The following TLR6 variants were observed in gnomAD, a reference collection of about 807,000 sequenced individuals.
TLR6 encodes toll like receptor 6, also known as toll-like receptor 6.
Under a neutral mutation model 16.1 loss-of-function variants are expected in TLR6, and 9 were observed. The observed-to-expected ratio is 0.56, with a 90% confidence interval of 0.34 to 0.98. TLR6 has a LOEUF of 0.98. Among genes scored for constraint, TLR6 ranks in the 50% least tolerant of loss-of-function variants. The pLI is 0.02. For missense variants in TLR6, 786 were observed against 921.0 expected (o/e 0.85, Z 1.90); for synonymous variants, 340 against 338.6 (o/e 1.00, Z -0.04).
At chr4:38,859,651 A>C (rs983981350), upstream of TLR6, among the ~76,000 whole-genome samples, 1 of 140,942 alleles carries the variant, frequency 7.1e-6, no homozygotes, top group Non-Finnish European at 1.5e-5. Context: ...TGCAGCCTTG[A>C]CTTTCCCCAC....
At chr4:38,854,402 G>A (rs1298462349) in intron 1 of TLR6, among the ~76,000 whole-genome samples, 2 of 152,186 alleles carry the variant, frequency 1.3e-5, no homozygotes, top group African/African-American at 4.8e-5. Context: ...TTTAGAGATA[G>A]AGAATAAAGC....
At chr4:38,828,642 C>A in exon 2 of TLR6, 1 of 1,614,080 alleles carries the variant, frequency 6.2e-7, no homozygotes, top group Non-Finnish European at 8.5e-7. Context: ...AGATATTCCA[C>A]AGGTTTGGGC....
exon 2 of TLR6, chr4:38,826,622 T>C (rs1350085830): frequency 6.5e-6 from 1 of 154,476 alleles, no homozygotes; most frequent in Non-Finnish European, 1.4e-5. Context: ...GACTTTTTTA[T>C]ATGCCGTAGC....
At chr4:38,824,076 C>T (rs1384223986) in exon 2 of TLR6, 1 of 126,136 alleles carries the variant, frequency 7.9e-6, no homozygotes, top group Non-Finnish European at 1.6e-5. Context: ...GAACTGTAGC[C>T]CCGCCGCCCC....
chr4:38,845,564 A>T (rs1204364210), intron 1 of TLR6, among the ~76,000 whole-genome samples: 2 of 152,178 alleles, frequency 1.3e-5, no homozygotes, highest in African/African-American at 4.8e-5. Flanking sequence ...GGCCCTGAAG[A>T]TAAAGGAAGG....
chr4:38,828,859 T>A, exon 2 of TLR6: 1 of 1,613,990 alleles, frequency 6.2e-7, no homozygotes, highest in Non-Finnish European at 8.5e-7. Flanking sequence ...ATAAACTAGT[T>A]GGGTGAAAAA....
intron 1 of TLR6, among the ~76,000 whole-genome samples, chr4:38,839,830 C>A (rs1369358177): frequency 6.6e-6 from 1 of 152,154 alleles, no homozygotes; most frequent in East Asian, 1.9e-4. Flanking sequence ...CTGAGTGTGG[C>A]CTATTGGGGC....
exon 2 of TLR6, chr4:38,827,210 A>T (rs1372158885): frequency 4.3e-6 from 7 of 1,614,088 alleles, no homozygotes; most frequent in Admixed American, 1.7e-5. Context: ...CCGCTGCGTC[A>T]TGAGAGCCTT....
At chr4:38,846,742 G>T (rs1266702080) in intron 1 of TLR6, among the ~76,000 whole-genome samples, 1 of 152,110 alleles carries the variant, frequency 6.6e-6, no homozygotes, top group Non-Finnish European at 1.5e-5. Flanking sequence ...ATGATAAGAA[G>T]GGAGAAGGGA....
chr4:38,827,761 T>C lies in TLR6; in HGVS notation c.1713A>G (p.Pro571=), dbSNP rs748938147. Residue 571 remains proline (P), a synonymous_variant, in exon 2 of 2, where the codon CCA becomes CCG. Transcript: ENST00000436693. ...ATTCAGACATGTGAAAGTCCTTTAG[T>C]GGGCTTCCTCTATAACTTTCTGGGT... is the stretch of plus-strand genomic sequence containing the variant. 7 of 1,614,256 alleles carry C rather than the reference T, an allele frequency of 4.3e-6. No individual in the cohort carries two copies. In the South Asian group the frequency reaches 6.6e-5, roughly 15 times the overall value.
exon 2 of TLR6, chr4:38,828,227 T>A: frequency 1.2e-6 from 2 of 1,613,406 alleles, no homozygotes; most frequent in Non-Finnish European, 1.7e-6. Flanking sequence ...TCTACCAGAT[T>A]CCAAAGAATT....
At chr4:38,840,028 T>C (rs1286199729) in intron 1 of TLR6, among the ~76,000 whole-genome samples, 1 of 152,176 alleles carries the variant, frequency 6.6e-6, no homozygotes, top group Non-Finnish European at 1.5e-5. Context: ...AATCCTCAAA[T>C]CATAATGACC....
At chr4:38,858,829 GAGGA>G (rs1164869463), upstream of TLR6, among the ~76,000 whole-genome samples, 126 of 71,726 alleles carry the variant, frequency 1.8e-3, no homozygotes, top group South Asian at 3.3e-3. Context: ...GAGAGAGAGA[GAGGA>G]AGAAAGAAAG....
chr4:38,847,287 G>A (rs76700149), intron 1 of TLR6, among the ~76,000 whole-genome samples: 1,758 of 152,220 alleles, frequency 0.012, 41 homozygotes, highest in African/African-American at 0.037. Context: ...CATCAAGAAT[G>A]CACACATTAG....
At chr4:38,866,842 C>A in the TLR6 span, among the ~76,000 whole-genome samples, 280 of 152,166 alleles carry the variant, frequency 1.8e-3, 1 homozygote, top group African/African-American at 6.2e-3. Context: ...AAGGGAGAGA[C>A]TAGGGCTATT....
At chr4:38,861,873 G>A in the TLR6 span, among the ~76,000 whole-genome samples, 1 of 152,072 alleles carries the variant, frequency 6.6e-6, no homozygotes, top group Non-Finnish European at 1.5e-5. Context: ...TGTCATCTGG[G>A]TCCGTGGCTT....
intron 1 of TLR6, among the ~76,000 whole-genome samples, chr4:38,853,919 G>A (rs1309051862): frequency 2.6e-5 from 4 of 152,118 alleles, no homozygotes; most frequent in Non-Finnish European, 4.4e-5. Flanking sequence ...TTCACTATAT[G>A]TGACAAAAAG....
chr4:38,836,814 C>T (rs1464964885), intron 1 of TLR6, among the ~76,000 whole-genome samples: 1 of 151,918 alleles, frequency 6.6e-6, no homozygotes, highest in African/African-American at 2.4e-5. Context: ...TTGGCAGACA[C>T]CTGGAATCCC....
At chr4:38,856,478 C>T (rs1270589650) in intron 1 of TLR6, among the ~76,000 whole-genome samples, 1 of 152,142 alleles carries the variant, frequency 6.6e-6, no homozygotes, top group Non-Finnish European at 1.5e-5. Context: ...TTCGCTGGGC[C>T]AAATCAGAAG....
Sources: gnomAD v4.1 joint callset for allele counts (sites outside exome capture counted in the v4.1 genomes callset) on GRCh38, gnomAD v4.1.1 for gene constraint, MANE v1.5 for transcripts, NCBI Gene and HGNC (gene_info 2026-07-23, HGNC 2026-07-21) for gene names.